The following GABRG3 variants were observed in gnomAD, a reference collection of about 807,000 sequenced individuals.
GABRG3 encodes the protein gamma-aminobutyric acid receptor subunit gamma-3.
A neutral mutation model predicts 48.8 loss-of-function variants in GABRG3; 25 were observed. That is an observed-to-expected ratio of 0.51 (90% CI 0.37 to 0.72). The LOEUF (loss-of-function observed/expected upper bound fraction) is 0.72. Ranked by LOEUF, GABRG3 falls within the 30% of genes least tolerant of loss-of-function variation. GABRG3 has a pLI of 0.00. For synonymous variants in GABRG3, 227 were observed against 217.6 expected, an observed-to-expected ratio of 1.04 and a Z score of -0.38; for missense variants, 394 against 577.9, an observed-to-expected ratio of 0.68 and a Z score of 3.26.
At chr15:27,088,699 A>G (rs868406877) in intron 3 of GABRG3, among the ~76,000 whole-genome samples, 47 of 152,260 alleles carry the variant, frequency 3.1e-4, no homozygotes, top group African/African-American at 9.1e-4. Context: ...GTAAACAACC[A>G]GAGCTCCTGA....
chr15:27,458,030 C>G (rs112095965), intron 5 of GABRG3, among the ~76,000 whole-genome samples: 1 of 152,004 alleles, frequency 6.6e-6, no homozygotes, highest in African/African-American at 2.4e-5. Flanking sequence ...TATGCTCAGG[C>G]CCCCCGACTC....
chr15:27,527,863 C>A, intron 8 of GABRG3, 70 bp from the exon 9 acceptor site: 1 of 1,287,090 alleles, frequency 7.8e-7, no homozygotes, highest in Non-Finnish European at 1.1e-6. Context: ...CTAAAGATTG[C>A]TCTTAAGAGT....
chr15:27,056,317 C>T (rs183017580), intron 3 of GABRG3, among the ~76,000 whole-genome samples: 2 of 138,960 alleles, frequency 1.4e-5, no homozygotes, highest in Admixed American at 7.6e-5. Context: ...TGTGCCACTG[C>T]ACTCCAGCCT....
At chr15:27,067,162 C>T (rs118002382) in intron 3 of GABRG3, among the ~76,000 whole-genome samples, 2,251 of 152,300 alleles carry the variant, frequency 0.015, 23 homozygotes, top group Admixed American at 0.023. Flanking sequence ...TCTCCCGTCC[C>T]TCCAGTGGGA....
At position 27,536,108 on chromosome 15, in the gene GABRG3, T is replaced by A. The variant is rs1891541247; in HGVS notation, c.*3227T>A. The A allele has an allele frequency of 6.6e-6, 1 of 152,270 alleles. No homozygotes were observed. Among genetic ancestry groups the A allele is most frequent in the Non-Finnish European group, 1.5e-5 (1 of 68,060 alleles). The allele number at this position is 152,270 out of a possible 1,614,324, so 9.4% of individuals were successfully genotyped here. On this transcript the variant is annotated 3_prime_UTR_variant, in exon 10 of 10. Transcript: ENST00000615808. Reference sequence around the variant, plus strand: ...TATTTTGACATGGAATCCAAATTTCTGACCACTGTGGATCACACTTAAAAC... The same window carrying A: ...TATTTTGACATGGAATCCAAATTTCAGACCACTGTGGATCACACTTAAAAC...
At chr15:27,417,630 C>A (rs1188540112) in intron 5 of GABRG3, among the ~76,000 whole-genome samples, 2 of 152,198 alleles carry the variant, frequency 1.3e-5, no homozygotes, top group African/African-American at 2.4e-5. Flanking sequence ...TCCCCACAAG[C>A]TCCCTCAAAT....
rs144894922 is a variant in GABRG3 at position 27,347,524 on chromosome 15, G to A, written c.574+18636G>A. Among the ~76,000 whole-genome samples the A allele has an allele frequency of 2.7e-3, 415 of 152,282 alleles. 1 individual carries two copies. The highest frequency in any genetic ancestry group is 9.5e-3 in the African/African-American group (396 of 41,546). ...GGGCTAGAGGAAGTTTGACTGGGAG[G>A]GATAAGGCTCTGGTAAGATCTTTCT... On this transcript the variant is annotated intron_variant, in intron 5 of 9. Coordinates refer to ENST00000615808, the MANE Select transcript of GABRG3 (RefSeq NM_033223.5).
chr15:26,986,017 G>A (rs1895145071), intron 2 of GABRG3, among the ~76,000 whole-genome samples: 1 of 152,038 alleles, frequency 6.6e-6, no homozygotes, highest in Non-Finnish European at 1.5e-5. Context: ...GCCCCAGGCT[G>A]GTGGCTGCCT....
chr15:27,394,898 C>CTGTCAGCT (rs1887254846), intron 5 of GABRG3, among the ~76,000 whole-genome samples: 1 of 152,104 alleles, frequency 6.6e-6, no homozygotes. Flanking sequence ...TCATTGTCTT[C>CTGTCAGCT]TGTCAGCTTG....
chr15:27,303,392 T>C lies in GABRG3; in HGVS notation c.271-23417T>C, dbSNP rs538423089. ...TCCAGGAACACAAACTATCAAAGCCTACCCAAGATGAAATAGATCATAAGA... is the reference window on the plus strand; with the variant it reads ...TCCAGGAACACAAACTATCAAAGCCCACCCAAGATGAAATAGATCATAAGA... On this transcript the variant is annotated intron_variant, in intron 3 of 9. Transcript: ENST00000615808. Among the ~76,000 whole-genome samples, 4 of 151,808 alleles carry C rather than the reference T, an allele frequency of 2.6e-5. No homozygotes were observed. In the South Asian group the frequency reaches 8.3e-4, roughly 32 times the overall value.
intron 3 of GABRG3, among the ~76,000 whole-genome samples, chr15:27,104,166 T>C (rs1378042487): frequency 6.6e-6 from 1 of 152,382 alleles, no homozygotes; most frequent in Non-Finnish European, 1.5e-5. Flanking sequence ...GTGAAGTCAC[T>C]TAAAAATATT....
chr15:27,108,429 T>C (rs1897487660), intron 3 of GABRG3, among the ~76,000 whole-genome samples: 1 of 152,194 alleles, frequency 6.6e-6, no homozygotes, highest in African/African-American at 2.4e-5. Flanking sequence ...TTTCTGTTCT[T>C]GTAAGTGTGT....
At chr15:27,108,812 CA>C (rs1291299748) in intron 3 of GABRG3, among the ~76,000 whole-genome samples, 2 of 152,162 alleles carry the variant, frequency 1.3e-5, no homozygotes, top group Non-Finnish European at 2.9e-5. Flanking sequence ...ACCCCTTTAT[CA>C]TGATGGAATG....
At chr15:27,471,269 G>A (rs1403445196) in intron 5 of GABRG3, among the ~76,000 whole-genome samples, 1 of 152,200 alleles carries the variant, frequency 6.6e-6, no homozygotes, top group Non-Finnish European at 1.5e-5. Context: ...GCTGGTCCCA[G>A]TGGAGTCATC....
At chr15:27,016,332 C>T (rs1309131682) in intron 2 of GABRG3, among the ~76,000 whole-genome samples, 1 of 150,226 alleles carries the variant, frequency 6.7e-6, no homozygotes, top group African/African-American at 2.5e-5. Context: ...CTGAGAATGT[C>T]TTACATTCTT....
chr15:27,008,100 A>ATTTCAT (rs1895621462), intron 2 of GABRG3, among the ~76,000 whole-genome samples: 1 of 152,332 alleles, frequency 6.6e-6, no homozygotes, highest in African/African-American at 2.4e-5. Flanking sequence ...ATTAGCCTTA[A>ATTTCAT]GTGTTCCCAG....
intron 2 of GABRG3, among the ~76,000 whole-genome samples, chr15:27,014,737 A>G (rs985833257): frequency 1.3e-5 from 2 of 152,026 alleles, no homozygotes; most frequent in African/African-American, 2.4e-5. Flanking sequence ...GAGAAGGTGT[A>G]TTTTGCTGTT....
chr15:27,365,547 A>C (rs1895166401), intron 5 of GABRG3: 1 of 152,148 alleles, frequency 6.6e-6, no homozygotes, highest in Non-Finnish European at 1.5e-5. Flanking sequence ...TGGGCTGTGC[A>C]TTTTTAGCAG....
chr15:27,502,621 T>G (rs746522634), intron 6 of GABRG3, among the ~76,000 whole-genome samples: 2 of 152,144 alleles, frequency 1.3e-5, no homozygotes, highest in Non-Finnish European at 2.9e-5. Flanking sequence ...CACCCCACAC[T>G]TAAGACACCA....
Sources: allele counts gnomAD v4.1 joint callset (sites outside exome capture counted in the v4.1 genomes callset), GRCh38; gene constraint gnomAD v4.1.1; transcripts MANE v1.5; gene names NCBI Gene and HGNC (gene_info 2026-07-23, HGNC 2026-07-21).